The following WARS1 variants were observed in gnomAD, a reference collection of about 807,000 sequenced individuals.
WARS1 encodes the protein tryptophan--tRNA ligase, cytoplasmic.
A neutral mutation model predicts 47.8 loss-of-function variants in WARS1; 17 were observed. The observed-to-expected ratio is 0.36, with a 90% CI of 0.24 to 0.53. The LOEUF is 0.53. Among genes scored for constraint, WARS1 ranks in the 20% least tolerant of loss-of-function variants. The probability of loss-of-function intolerance (pLI) is 0.91; values close to 1 mark genes in which losing one functional copy is unlikely to be tolerated. For synonymous variants in WARS1, 208 were observed against 228.1 expected (o/e 0.91, Z 0.79); for missense variants, 434 against 608.0 (o/e 0.71, Z 3.01).
chr14:100,354,625 A>C, intron 4 of WARS1, 59 bp from the exon 5 acceptor site: 1 of 1,552,582 alleles, frequency 6.4e-7, no homozygotes, highest in Non-Finnish European at 8.7e-7. Context: ...TCAAGGCACT[A>C]ATGCACTTTT....
At position 100,366,216 on chromosome 14, in the gene WARS1, C is replaced by T. The variant is rs117624906; in HGVS notation, c.99+2871G>A. On this transcript the variant is annotated intron_variant, in intron 2 of 10. Coordinates refer to ENST00000392882, the MANE Select transcript of WARS1 (RefSeq NM_004184.4). Reference sequence around the variant, plus strand: ...GCCCAGCCCTTCTCTCCCACTCAGCCGTAGAACTCTGGCAGCGGGACTCAC... The same window carrying T: ...GCCCAGCCCTTCTCTCCCACTCAGCTGTAGAACTCTGGCAGCGGGACTCAC... The T allele has an allele frequency of 2.3e-4, 95 of 418,218 alleles. No individual in the cohort carries two copies. In the East Asian group the frequency reaches 6.2e-3, roughly 27 times the overall value. The allele number at this position is 418,218 out of a possible 1,614,324, so 25.9% of individuals were successfully genotyped here.
At chr14:100,368,586 C>T (rs1334118895) in intron 2 of WARS1, 1 of 426,534 alleles carries the variant, frequency 2.3e-6, no homozygotes, top group Non-Finnish European at 4.7e-6. Flanking sequence ...TGGAGGGCCA[C>T]TGTATTTCAC....
chr14:100,355,269 G>A (rs2140010165), intron 4 of WARS1, among the ~76,000 whole-genome samples: 1 of 152,132 alleles, frequency 6.6e-6, no homozygotes, highest in African/African-American at 2.4e-5. Flanking sequence ...CACCCAGGCT[G>A]GAGTGCAGTG....
chr14:100,347,599 C>CAT (rs984186860), intron 6 of WARS1, among the ~76,000 whole-genome samples: 16 of 151,060 alleles, frequency 1.1e-4, no homozygotes, highest in African/African-American at 3.4e-4. Context: ...TGTTTTGAGA[C>CAT]AGAGTCTCAC....
intron 1 of WARS1, chr14:100,370,373 A>G (rs1238686917): frequency 1.3e-5 from 2 of 152,174 alleles, no homozygotes; most frequent in African/African-American, 2.4e-5. Flanking sequence ...CCAGGCTCTT[A>G]TGAGAACAAA....
At chr14:100,356,402 G>T (rs1397247211) in intron 4 of WARS1, among the ~76,000 whole-genome samples, 1 of 149,896 alleles carries the variant, frequency 6.7e-6, no homozygotes, top group African/African-American at 2.4e-5. Flanking sequence ...TGTGTGTGGG[G>T]GGGGGTGTGG....
In WARS1 at chr14:100,334,893, C is replaced by A. The variant is rs79878944; in HGVS notation, c.1398G>T (p.Leu466=). 354 of 1,614,016 alleles carry A rather than the reference C, an allele frequency of 2.2e-4. No individual in the cohort carries two copies. In the African/African-American group the frequency reaches 3.6e-3, roughly 16 times the overall value. Residue 466 remains leucine (L), a synonymous_variant, in exon 11 of 11, where the codon CTG becomes CTT. Coordinates refer to ENST00000392882, the MANE Select transcript of WARS1 (RefSeq NM_004184.4). ...ACGAGTGCTACTGAAAGTCGAAGGA[C>A]AGCTTCCGGGGAGTCATGAACTCTT... ...IVKEFMTPRK[L]SFDFQ
chr14:100,340,748 G>T (rs1259424378), intron 9 of WARS1, among the ~76,000 whole-genome samples: 1 of 152,066 alleles, frequency 6.6e-6, no homozygotes, highest in Non-Finnish European at 1.5e-5. Context: ...TAGAGTGAGG[G>T]CCTGGGCGGG....
At chr14:100,357,686 C>T (rs1167418314) in intron 4 of WARS1, among the ~76,000 whole-genome samples, 2 of 152,088 alleles carry the variant, frequency 1.3e-5, no homozygotes, top group Admixed American at 6.6e-5. Flanking sequence ...GTCTCGAACT[C>T]CTGACCTCAA....
chr14:100,334,860 T>C lies in WARS1; in HGVS notation c.*15A>G. 1 of 1,613,050 alleles carries C rather than the reference T, an allele frequency of 6.2e-7. No individual in the cohort carries two copies. The highest frequency in any genetic ancestry group is 1.1e-5 in the South Asian group (1 of 91,000). The stretch of plus-strand genomic sequence containing the variant: ...TGATACATCACTTCTTTTATAAGCA[T>C]ATGTAAAACGAGTGCTACTGAAAGT... On this transcript the variant is annotated 3_prime_UTR_variant, in exon 11 of 11. Transcript: ENST00000392882.
chr14:100,345,354 G>T (rs934993827), intron 7 of WARS1, among the ~76,000 whole-genome samples: 6 of 152,176 alleles, frequency 3.9e-5, no homozygotes, highest in African/African-American at 1.4e-4. Flanking sequence ...GTTGATCTGT[G>T]ACCTTACCCC....
intron 4 of WARS1, 107 bp from the exon 5 acceptor site, chr14:100,354,673 A>G (rs917845658): frequency 7.0e-6 from 9 of 1,287,552 alleles, no homozygotes; most frequent in Non-Finnish European, 9.6e-6. Flanking sequence ...AACAACATGG[A>G]TAATAACTAG....
intron 6 of WARS1, among the ~76,000 whole-genome samples, chr14:100,347,306 C>T (rs923430354): frequency 1.9e-4 from 29 of 152,152 alleles, no homozygotes; most frequent in African/African-American, 6.8e-4. Context: ...AAACCCACGG[C>T]CCGAGAAGGA....
chr14:100,371,447 C>CAAAAAAAAAAAAAAAAAAAAAAAA (rs60977618), intron 1 of WARS1, among the ~76,000 whole-genome samples: 1,132 of 88,814 alleles, frequency 0.013, 146 homozygotes, highest in South Asian at 0.032. Context: ...GGTTCTGTCT[C>CAAAAAAAAAAAAAAAAAAAAAAAA]AAAAAAAAAA....
chr14:100,364,805 T>C (rs1019562308), intron 2 of WARS1, among the ~76,000 whole-genome samples: 4 of 152,252 alleles, frequency 2.6e-5, no homozygotes, highest in African/African-American at 9.6e-5. Flanking sequence ...CACTGTCAAC[T>C]TCCCAAAATG....
At chr14:100,358,438 A>G (rs1480151897) in intron 4 of WARS1, among the ~76,000 whole-genome samples, 2 of 152,184 alleles carry the variant, frequency 1.3e-5, no homozygotes, top group East Asian at 3.8e-4. Context: ...AGCCAAGAAT[A>G]GTCTTTTCAA....
rs1326110612 is a variant in WARS1, at chr14:100,346,647, C to T, written c.826+99G>A. On this transcript the variant is annotated intron_variant, in intron 7 of 10. Coordinates refer to ENST00000392882, the MANE Select transcript of WARS1 (RefSeq NM_004184.4). ...TTAAAGAGACAGTTGCAAACGCTAACATCTCAGAGATATTTAAACCAGGCA... is the reference window on the plus strand; with the variant it reads ...TTAAAGAGACAGTTGCAAACGCTAATATCTCAGAGATATTTAAACCAGGCA... The T allele has an allele frequency of 3.0e-6, 3 of 1,014,768 alleles. No individual in the cohort carries two copies. In the Admixed American group the frequency reaches 6.0e-5, roughly 20 times the overall value. 62.9% of individuals were successfully genotyped at this position (1,014,768 alleles called of 1,614,324 possible). A position where few individuals can be genotyped will look rare whatever the true frequency, so the allele number is the denominator to read the frequency against.
intron 1 of WARS1, among the ~76,000 whole-genome samples, chr14:100,369,880 T>C (rs1475666596): frequency 1.3e-5 from 2 of 152,062 alleles, no homozygotes; most frequent in African/African-American, 2.4e-5. Flanking sequence ...GCCAGGCTGG[T>C]CTTGAACTTC....
In WARS1 at chr14:100,373,201, A is replaced by T. The variant is rs184655825; in HGVS notation, c.-74+2082T>A. Among the ~76,000 whole-genome samples the T allele has an allele frequency of 1.2e-3, 182 of 152,300 alleles. 3 individuals carry two copies. In the East Asian group the frequency reaches 0.03, roughly 25 times the overall value. On this transcript the variant is annotated intron_variant, in intron 1 of 10. Coordinates refer to ENST00000392882, the MANE Select transcript of WARS1 (RefSeq NM_004184.4). The surrounding 1 kb of genome is among the most constrained non-coding windows in gnomAD (Gnocchi z 4.4). ...ATGAATCTCCTTAGTCATCTAGTTC[A>T]ACTTTTTCCTCTAAGGTTTATCCTT... is the stretch of plus-strand genomic sequence containing the variant.
Sources: gnomAD v4.1 joint callset for allele counts (sites outside exome capture counted in the v4.1 genomes callset) on GRCh38, gnomAD v4.1.1 for gene constraint, Gnocchi (gnomAD v3.1) non-coding constraint, MANE v1.5 for transcripts, NCBI Gene and HGNC (gene_info 2026-07-23, HGNC 2026-07-21) for gene names.